CRTAM: variants seen among roughly 807,000 people sequenced by gnomAD.
CRTAM encodes cytotoxic and regulatory T cell molecule, also known as cytotoxic and regulatory T-cell molecule.
Under a neutral mutation model 50.0 loss-of-function variants are expected in CRTAM, and 44 were observed. The ratio of observed to expected loss-of-function variants is 0.88; its 90% CI spans 0.69 to 1.13. The LOEUF is 1.13. Among genes scored for constraint, CRTAM ranks in the 50% most tolerant of loss-of-function variants. The pLI is 0.00. For missense variants in CRTAM, 448 were observed against 457.5 expected (o/e 0.98, Z 0.19); for synonymous variants, 159 against 169.3 (o/e 0.94, Z 0.47).
At chr11:122,856,224 A>C (rs1397104884) in intron 5 of CRTAM, among the ~76,000 whole-genome samples, 1 of 152,246 alleles carries the variant, frequency 6.6e-6, no homozygotes, top group Non-Finnish European at 1.5e-5. Context: ...AGCTGAAATA[A>C]ACCTAAATTG....
At position 122,869,677 on chromosome 11, in the gene CRTAM, C is replaced by A. The variant is rs1004478986; in HGVS notation, c.1051+1578C>A. Among the ~76,000 whole-genome samples the A allele has an allele frequency of 3.9e-5, 6 of 152,280 alleles. No homozygotes were observed. In the South Asian group the frequency reaches 1.2e-3, roughly 32 times the overall value. ...GCTGCAAGAAATACAGCGAGTTTTGCCGCTCTATTCTATTGGTTTTACTGA... is the reference window on the plus strand; with the variant it reads ...GCTGCAAGAAATACAGCGAGTTTTGACGCTCTATTCTATTGGTTTTACTGA... On this transcript the variant is annotated intron_variant, in intron 9 of 9. Coordinates refer to ENST00000227348, the MANE Select transcript of CRTAM (RefSeq NM_019604.4).
rs1440974551 is a variant in CRTAM at position 122,868,003 on chromosome 11, T to G, written c.965-10T>G. On this transcript the variant is annotated splice_polypyrimidine_tract_variant and intron_variant, in intron 8 of 9. Coordinates refer to ENST00000227348, the MANE Select transcript of CRTAM (RefSeq NM_019604.4). ...TCAGAAATTAGTTGCTTGATTTTCTTTTTTTGTAGAAAACGAAGTTTCAGA... is the reference window on the plus strand; with the variant it reads ...TCAGAAATTAGTTGCTTGATTTTCTGTTTTTGTAGAAAACGAAGTTTCAGA... 1.3e-6 allele frequency: 2 copies of G among 1,570,820 alleles called. No homozygotes were observed. Among genetic ancestry groups the G allele is most frequent in the Non-Finnish European group, 1.7e-6 (2 of 1,143,662 alleles).
At chr11:122,865,315 G>A (rs1472719015) in intron 7 of CRTAM, among the ~76,000 whole-genome samples, 8 of 152,270 alleles carry the variant, frequency 5.3e-5, no homozygotes, top group Non-Finnish European at 7.4e-5. Context: ...GATTACAGGC[G>A]TGAGCCACCG....
intron 9 of CRTAM, among the ~76,000 whole-genome samples, chr11:122,870,313 T>G (rs1862237377): frequency 6.6e-6 from 1 of 152,150 alleles, no homozygotes; most frequent in Non-Finnish European, 1.5e-5. Context: ...ACTCCTGGAC[T>G]CAAGTGATCC....
At chr11:122,839,927 C>A (rs1861779018) in intron 1 of CRTAM, among the ~76,000 whole-genome samples, 1 of 152,116 alleles carries the variant, frequency 6.6e-6, no homozygotes, top group African/African-American at 2.4e-5. Flanking sequence ...TACCCTGAGG[C>A]ACTTAATAAG....
chr11:122,854,236 CCAAT>C lies in CRTAM; in HGVS notation c.490+155_490+158del, dbSNP rs1180226812. 1.1e-5 allele frequency: 8 copies of C among 741,682 alleles called. No individual in the cohort carries two copies. In the South Asian group the frequency reaches 1.2e-4, roughly 11 times the overall value. 45.9% of individuals were successfully genotyped at this position (741,682 alleles called of 1,614,324 possible). On this transcript the variant is annotated intron_variant, in intron 4 of 9. Transcript: ENST00000227348. ...TTTTCCAGACAAGTTATTCTTACAA[CCAAT>C]CAATTTTATGCCTTAATCTTGAAAG...
At chr11:122,863,270 G>A (rs200504132) in intron 6 of CRTAM, among the ~76,000 whole-genome samples, 5 of 7,286 alleles carry the variant, frequency 6.9e-4, no homozygotes, top group Non-Finnish European at 1.1e-3. Flanking sequence ...AAGAAAGAAA[G>A]AAAAAGAAAG....
At chr11:122,850,739 G>C (rs1235109986) in intron 2 of CRTAM, among the ~76,000 whole-genome samples, 2 of 152,130 alleles carry the variant, frequency 1.3e-5, no homozygotes, top group Non-Finnish European at 2.9e-5. Context: ...TATTAATTTG[G>C]AAATGAGGAC....
Position 122,860,820 on chromosome 11 carries a change from T to C in CRTAM, c.653-1644T>C, listed in dbSNP as rs371755136. ...TCTGGGCTCAGATGATCCTCCTACC[T>C]TGGCCTCCTGAGTAGTTGGAACTAC... On this transcript the variant is annotated intron_variant, in intron 5 of 9. Coordinates refer to ENST00000227348, the MANE Select transcript of CRTAM (RefSeq NM_019604.4). 4.1e-4 allele frequency among the ~76,000 whole-genome samples: 63 copies of C among 152,206 alleles called. 2 individuals are homozygous for C. In the South Asian group the frequency reaches 0.013, roughly 31 times the overall value.
At chr11:122,857,686 T>C (rs1164638493) in intron 5 of CRTAM, among the ~76,000 whole-genome samples, 1 of 152,202 alleles carries the variant, frequency 6.6e-6, no homozygotes, top group African/African-American at 2.4e-5. Flanking sequence ...AAAATATTAC[T>C]AGCTGAGGAT....
At chr11:122,842,711 A>G (rs139926594) in intron 1 of CRTAM, among the ~76,000 whole-genome samples, 1,661 of 152,368 alleles carry the variant, frequency 0.011, 13 homozygotes, top group Non-Finnish European at 0.016. Flanking sequence ...AGGCAGCAAT[A>G]ATAGTGACAA....
At chr11:122,849,989 TTGAA>T in intron 1 of CRTAM, 75 bp from the exon 2 acceptor site, 1 of 1,369,424 alleles carries the variant, frequency 7.3e-7, no homozygotes. Context: ...TAATACATGA[TTGAA>T]TGAATGAACG....
At chr11:122,867,112 T>C (rs1320422524) in intron 7 of CRTAM, among the ~76,000 whole-genome samples, 1 of 152,240 alleles carries the variant, frequency 6.6e-6, no homozygotes, top group Non-Finnish European at 1.5e-5. Flanking sequence ...CTTAAGTCGA[T>C]TTTCTCATAT....
intron 1 of CRTAM, among the ~76,000 whole-genome samples, chr11:122,848,965 T>C (rs1861897967): frequency 6.6e-6 from 1 of 152,178 alleles, no homozygotes; most frequent in Non-Finnish European, 1.5e-5. Context: ...GGGAGATAAA[T>C]GTGCAGCTAC....
At chr11:122,841,934 T>TGG (rs1440481780) in intron 1 of CRTAM, among the ~76,000 whole-genome samples, 2 of 152,168 alleles carry the variant, frequency 1.3e-5, no homozygotes, top group Non-Finnish European at 2.9e-5. Flanking sequence ...AGGCCTGTTT[T>TGG]GGAAGTTTTG....
intron 3 of CRTAM, 90 bp from the exon 4 acceptor site, chr11:122,853,853 A>T: frequency 7.8e-7 from 1 of 1,274,356 alleles, no homozygotes; most frequent in Non-Finnish European, 1.1e-6. Context: ...TATACCCTAT[A>T]ACAATCACCT....
intron 5 of CRTAM, among the ~76,000 whole-genome samples, chr11:122,859,401 G>A (rs756478455): frequency 4.9e-4 from 74 of 149,644 alleles, no homozygotes; most frequent in Non-Finnish European, 2.7e-4. Context: ...GTGAGCCACC[G>A]CATCCGGCCC....
chr11:122,867,612 A>G (rs1376518978), intron 8 of CRTAM, 57 bp downstream of exon 8: 1 of 1,555,506 alleles, frequency 6.4e-7, no homozygotes, highest in Non-Finnish European at 8.7e-7. Context: ...ATGGCTAAAA[A>G]AAAGGGAAAT....
At chr11:122,857,806 C>T (rs1401597881) in intron 5 of CRTAM, among the ~76,000 whole-genome samples, 1 of 152,146 alleles carries the variant, frequency 6.6e-6, no homozygotes, top group African/African-American at 2.4e-5. Context: ...CTAGGGTGGT[C>T]CTGAGGAAAG....
Sources: gnomAD v4.1 joint callset for allele counts (sites outside exome capture counted in the v4.1 genomes callset) on GRCh38, gnomAD v4.1.1 for gene constraint, MANE v1.5 for transcripts, NCBI Gene and HGNC (gene_info 2026-07-23, HGNC 2026-07-21) for gene names.